The following GRM3 variants were observed in gnomAD, a reference collection of about 807,000 sequenced individuals.
GRM3 encodes the protein glutamate metabotropic receptor 3.
In GRM3, 26 loss-of-function variants were observed where a neutral mutation model predicts 70.5. The observed-to-expected ratio is 0.37, with a 90% CI of 0.27 to 0.51. The LOEUF (loss-of-function observed/expected upper bound fraction) is 0.51. GRM3 is among the 20% of genes least tolerant of loss of function. The pLI is 0.93. For missense variants in GRM3, 859 were observed against 1,123.8 expected, an observed-to-expected ratio of 0.76 and a Z score of 3.37; for synonymous variants, 443 against 434.9, an observed-to-expected ratio of 1.02 and a Z score of -0.23.
At chr7:86,700,422 A>C (rs1408682056) in intron 1 of GRM3, among the ~76,000 whole-genome samples, 1 of 151,874 alleles carries the variant, frequency 6.6e-6, no homozygotes, top group Admixed American at 6.6e-5. Context: ...TGCGAGGTGA[A>C]ATGAGAGCCT....
intron 3 of GRM3, among the ~76,000 whole-genome samples, chr7:86,787,411 A>C (rs978988960): frequency 2.0e-5 from 3 of 152,188 alleles, no homozygotes; most frequent in African/African-American, 7.2e-5. Context: ...CTCTTTGTTG[A>C]TGTTGGCTGC....
chr7:86,699,019 T>C (rs1794892079), intron 1 of GRM3, among the ~76,000 whole-genome samples: 1 of 152,028 alleles, frequency 6.6e-6, no homozygotes, highest in Non-Finnish European at 1.5e-5. Flanking sequence ...CCCACAAGCC[T>C]CTGAAGATCT....
intron 5 of GRM3, among the ~76,000 whole-genome samples, chr7:86,854,263 A>G (rs7781414): frequency 0.31 from 47,654 of 152,000 alleles, 8,065 homozygotes; most frequent in African/African-American, 0.45. Context: ...CAAGAGAGTA[A>G]GAGAAATACC....
chr7:86,657,921 A>G (rs977362221), intron 1 of GRM3, among the ~76,000 whole-genome samples: 1 of 152,254 alleles, frequency 6.6e-6, no homozygotes, highest in African/African-American at 2.4e-5. Context: ...AGCATGCTGC[A>G]TAAAATCCTT....
At chr7:86,711,777 C>A (rs1002474066) in intron 1 of GRM3, among the ~76,000 whole-genome samples, 1 of 152,066 alleles carries the variant, frequency 6.6e-6, no homozygotes, top group African/African-American at 2.4e-5. Context: ...TTCCACCTAC[C>A]TCCATTACAC....
intron 3 of GRM3, among the ~76,000 whole-genome samples, chr7:86,828,433 C>G (rs1665840896): frequency 6.6e-6 from 1 of 152,114 alleles, no homozygotes; most frequent in Admixed American, 6.5e-5. Flanking sequence ...AAATATTTTA[C>G]ATTCAGTTCT....
intron 3 of GRM3, among the ~76,000 whole-genome samples, chr7:86,837,935 G>A (rs10952891): frequency 0.12 from 17,711 of 152,184 alleles, 1,129 homozygotes; most frequent in African/African-American, 0.15. Flanking sequence ...AACAGAGTAC[G>A]TGGCATAGAA....
intron 1 of GRM3, among the ~76,000 whole-genome samples, chr7:86,708,043 C>T (rs955387583): frequency 2.6e-5 from 4 of 152,048 alleles, no homozygotes; most frequent in Admixed American, 6.6e-5. Context: ...GTCAATTAAT[C>T]GACTCCGGTA....
chr7:86,808,247 G>C (rs1172472855), intron 3 of GRM3, among the ~76,000 whole-genome samples: 1 of 152,114 alleles, frequency 6.6e-6, no homozygotes, highest in Non-Finnish European at 1.5e-5. Context: ...GTATCAGGAT[G>C]ATGCTGGCCT....
At chr7:86,844,625 G>A (rs968546751) in intron 4 of GRM3, among the ~76,000 whole-genome samples, 3 of 152,174 alleles carry the variant, frequency 2.0e-5, no homozygotes, top group Non-Finnish European at 4.4e-5. Flanking sequence ...TGAGGAGACT[G>A]GTTAGGAAGT....
chr7:86,699,820 C>G (rs184233994), intron 1 of GRM3, among the ~76,000 whole-genome samples: 2 of 151,954 alleles, frequency 1.3e-5, no homozygotes, highest in Admixed American at 1.3e-4. Context: ...CTAGCTTTTC[C>G]CAGGAGGTAA....
At chr7:86,775,917 T>C (rs562215807) in intron 2 of GRM3, 1 of 152,246 alleles carries the variant, frequency 6.6e-6, no homozygotes, top group South Asian at 2.1e-4. Context: ...TCACCTGTGT[T>C]TTTGTGTAAG....
intron 1 of GRM3, among the ~76,000 whole-genome samples, chr7:86,696,056 C>G (rs1245021872): frequency 6.6e-6 from 1 of 152,146 alleles, no homozygotes; most frequent in East Asian, 1.9e-4. Flanking sequence ...TAAACACTTG[C>G]TACTCCTCTA....
At chr7:86,770,620 G>GACC (rs1481523127) in intron 2 of GRM3, among the ~76,000 whole-genome samples, 1 of 152,042 alleles carries the variant, frequency 6.6e-6, no homozygotes, top group East Asian at 1.9e-4. Context: ...TGCTCAAGGG[G>GACC]ACCACCGCTG....
Position 86,671,315 on chromosome 7 carries a change from A to G in GRM3, c.-141+26443A>G, listed in dbSNP as rs112033972. Among the ~76,000 whole-genome samples, 1,017 of 152,334 alleles carry G rather than the reference A, an allele frequency of 6.7e-3. 12 individuals carry two copies. The highest frequency in any genetic ancestry group is 0.022 in the African/African-American group (925 of 41,568). ...TATGGTAATTATGTAATCTCCATGTATGACTCTAATATGGTTTAGATGTTT... is the reference window on the plus strand; with the variant it reads ...TATGGTAATTATGTAATCTCCATGTGTGACTCTAATATGGTTTAGATGTTT... On this transcript the variant is annotated intron_variant, in intron 1 of 5. Transcript: ENST00000361669.
chr7:86,731,358 C>A (rs1460321266), intron 1 of GRM3, among the ~76,000 whole-genome samples: 1 of 152,062 alleles, frequency 6.6e-6, no homozygotes, highest in African/African-American at 2.4e-5. Context: ...AATCCATTAC[C>A]AAATTATCTT....
intron 2 of GRM3, among the ~76,000 whole-genome samples, chr7:86,773,359 ATTTAT>A (rs1475693713): frequency 6.6e-6 from 1 of 151,934 alleles, no homozygotes; most frequent in Non-Finnish European, 1.5e-5. Context: ...CCTTTTATTT[ATTTAT>A]TTATTTATTT....
intron 2 of GRM3, among the ~76,000 whole-genome samples, chr7:86,779,977 T>C (rs1797002135): frequency 6.6e-6 from 1 of 151,644 alleles, no homozygotes; most frequent in Non-Finnish European, 1.5e-5. Flanking sequence ...CAAATACTAA[T>C]TTTTTTTGTC....
Position 86,839,393 on chromosome 7 carries a change from T to C in GRM3, c.1879T>C (p.Cys627Arg), listed in dbSNP as rs761900677. 1.2e-6 allele frequency: 2 copies of C among 1,613,650 alleles called. No homozygotes were observed. Among genetic ancestry groups the C allele is most frequent in the South Asian group, 2.2e-5 (2 of 91,084 alleles). Reference protein sequence around the residue: ...ILLFGVGLSYCMTFFFIAKPS... With the variant: ...ILLFGVGLSYRMTFFFIAKPS... ...ATTGTTTGGGGTTGGCCTGTCATAC[T>C]GCATGACATTCTTCTTCATTGCCAA... Residue 627 changes from cysteine (C) to arginine (R), a missense_variant, in exon 4 of 6, where the codon TGC (cysteine) becomes CGC (arginine). Physicochemically the swap from Cys to Arg is radical, Grantham distance 180. Coordinates refer to ENST00000361669, the MANE Select transcript of GRM3 (RefSeq NM_000840.3). The surrounding 1 kb of genome is among the most constrained non-coding windows in gnomAD (Gnocchi z 4.5).
Sources: allele counts gnomAD v4.1 joint callset (sites outside exome capture counted in the v4.1 genomes callset), GRCh38; gene constraint gnomAD v4.1.1; non-coding constraint Gnocchi (gnomAD v3.1); transcripts MANE v1.5; gene names NCBI Gene and HGNC (gene_info 2026-07-23, HGNC 2026-07-21).